The following CDC73 variants were observed in gnomAD, a reference collection of about 807,000 sequenced individuals.
The protein encoded by CDC73 is cell division cycle 73.
A neutral mutation model predicts 83.7 loss-of-function variants in CDC73; 21 were observed. The observed-to-expected ratio is 0.25, with a 90% CI of 0.18 to 0.36. The LOEUF (loss-of-function observed/expected upper bound fraction) is 0.36. CDC73 is among the 10% of genes least tolerant of loss of function. The probability of loss-of-function intolerance (pLI) is 1.00; values close to 1 mark genes in which losing one functional copy is unlikely to be tolerated. For missense variants in CDC73, 342 were observed against 653.3 expected, an observed-to-expected ratio of 0.52 and a Z score of 5.19; for synonymous variants, 224 against 212.9, an observed-to-expected ratio of 1.05 and a Z score of -0.45.
intron 5 of CDC73, among the ~76,000 whole-genome samples, chr1:193,137,275 A>G (rs761294141): frequency 6.6e-6 from 1 of 152,244 alleles, no homozygotes; most frequent in Non-Finnish European, 1.5e-5. Context: ...ATTCATTTTA[A>G]GATTTTTACA....
intron 15 of CDC73, among the ~76,000 whole-genome samples, chr1:193,244,809 T>C (rs140554749): frequency 1.6e-4 from 24 of 152,294 alleles, no homozygotes; most frequent in African/African-American, 5.8e-4. Flanking sequence ...TATGTCCTTA[T>C]TCTGCCTTAT....
At chr1:193,203,703 G>A in intron 10 of CDC73, 92 bp from the exon 11 acceptor site, 1 of 1,024,954 alleles carries the variant, frequency 9.8e-7, no homozygotes, top group Non-Finnish European at 1.5e-6. Flanking sequence ...CAGAACAAGA[G>A]ACAGAGAGAT....
intron 10 of CDC73, among the ~76,000 whole-genome samples, chr1:193,162,836 T>C (rs915566506): frequency 1.3e-5 from 2 of 152,220 alleles, no homozygotes; most frequent in African/African-American, 2.4e-5. Flanking sequence ...TTCTGTCTTA[T>C]GTGTGGTGCC....
chr1:193,198,415 T>TGCCCTTC (rs1466647868), intron 10 of CDC73, among the ~76,000 whole-genome samples: 2 of 152,222 alleles, frequency 1.3e-5, no homozygotes, highest in African/African-American at 4.8e-5. Context: ...AATTCTTTTT[T>TGCCCTTC]GCCCTTCCAC....
intron 13 of CDC73, among the ~76,000 whole-genome samples, chr1:193,230,644 G>T (rs966135260): frequency 6.6e-6 from 1 of 152,174 alleles, no homozygotes; most frequent in East Asian, 1.9e-4. Context: ...GAGGGATGAT[G>T]ACTGTGATTT....
Position 193,137,973 on chromosome 1 carries a change from T to C in CDC73, c.424-112T>C, listed in dbSNP as rs977556081. 3.4e-5 allele frequency: 27 copies of C among 787,772 alleles called. No individual in the cohort carries two copies. The East Asian group carries it at 5.3e-4, about 15-fold the overall frequency. The allele number at this position is 787,772 out of a possible 1,614,324, so 48.8% of individuals were successfully genotyped here. A position where few individuals can be genotyped will look rare whatever the true frequency, so the allele number is the denominator to read the frequency against. ...CTTGAAGTTGGCCTAAAGACACTGATACCTAGAATTGTAGAGGTAGGAAAT... is the reference window on the plus strand; with the variant it reads ...CTTGAAGTTGGCCTAAAGACACTGACACCTAGAATTGTAGAGGTAGGAAAT... On this transcript the variant is annotated intron_variant, in intron 5 of 16. Coordinates refer to ENST00000367435, the MANE Select transcript of CDC73 (RefSeq NM_024529.5).
chr1:193,230,457 A>ATTT (rs752027731), intron 13 of CDC73, among the ~76,000 whole-genome samples: 13 of 90,718 alleles, frequency 1.4e-4, no homozygotes, highest in South Asian at 1.3e-3. Context: ...CTAATCCCGT[A>ATTT]TTTTTTTTTT....
At chr1:193,246,398 G>A (rs773231908) in intron 15 of CDC73, among the ~76,000 whole-genome samples, 26 of 151,966 alleles carry the variant, frequency 1.7e-4, no homozygotes, top group Non-Finnish European at 2.6e-4. Flanking sequence ...AATTGTTCTT[G>A]TTTGCAGATG....
At chr1:193,207,199 G>A (rs957485324) in intron 11 of CDC73, among the ~76,000 whole-genome samples, 7 of 152,078 alleles carry the variant, frequency 4.6e-5, no homozygotes, top group African/African-American at 1.7e-4. Context: ...AAAGGGAGGG[G>A]TTTTTATTAG....
intron 9 of CDC73, among the ~76,000 whole-genome samples, chr1:193,150,805 T>C (rs985240170): frequency 6.6e-6 from 1 of 152,224 alleles, no homozygotes; most frequent in Admixed American, 6.5e-5. Flanking sequence ...TAAAATGTTA[T>C]TATAGTGCCT....
chr1:193,157,636 G>C lies in CDC73; in HGVS notation c.972+5192G>C, dbSNP rs529007924. Among the ~76,000 whole-genome samples, 12 of 152,228 alleles carry C rather than the reference G, an allele frequency of 7.9e-5. No homozygotes were observed. In the East Asian group the frequency reaches 1.5e-3, roughly 20 times the overall value. Reference sequence around the variant, plus strand: ...AGAGGTTTTCTCTAGATTGCCACAGGCCTCATTACTCTGTTATCTTTTATT... The same window carrying C: ...AGAGGTTTTCTCTAGATTGCCACAGCCCTCATTACTCTGTTATCTTTTATT... On this transcript the variant is annotated intron_variant, in intron 10 of 16. Transcript: ENST00000367435.
chr1:193,138,911 A>AT (rs1675851293), intron 6 of CDC73, among the ~76,000 whole-genome samples: 1 of 150,856 alleles, frequency 6.6e-6, no homozygotes, highest in African/African-American at 2.4e-5. Context: ...AGTAGCTGGG[A>AT]TTACAGGCGC....
intron 10 of CDC73, among the ~76,000 whole-genome samples, chr1:193,167,864 T>C (rs1463271088): frequency 1.3e-5 from 2 of 152,098 alleles, no homozygotes; most frequent in Non-Finnish European, 2.9e-5. Flanking sequence ...TCTTGTGTTT[T>C]TTTGTTGTTT....
In CDC73 at chr1:193,198,231, A is replaced by G. The variant is rs556590037; in HGVS notation, c.973-5564A>G. Among the ~76,000 whole-genome samples, 42 of 152,322 alleles carry G rather than the reference A, an allele frequency of 2.8e-4. No individual in the cohort carries two copies. In the South Asian group the frequency reaches 6.8e-3, roughly 25 times the overall value. On this transcript the variant is annotated intron_variant, in intron 10 of 16. Coordinates refer to ENST00000367435, the MANE Select transcript of CDC73 (RefSeq NM_024529.5). ...AGCAGACAAATAATTAGGGAATTAT[A>G]TAGTATAATGAGGTGTTATGGTCTG...
At chr1:193,222,303 G>A (rs1389738722) in intron 13 of CDC73, among the ~76,000 whole-genome samples, 3 of 152,208 alleles carry the variant, frequency 2.0e-5, no homozygotes, top group African/African-American at 7.2e-5. Flanking sequence ...CCTTACATCC[G>A]CCAAATACTA....
At chr1:193,237,714 G>A (rs1021431674) in intron 15 of CDC73, among the ~76,000 whole-genome samples, 1 of 152,188 alleles carries the variant, frequency 6.6e-6, no homozygotes. Context: ...AAAGATGCTG[G>A]CATGTCAGGG....
intron 13 of CDC73, among the ~76,000 whole-genome samples, chr1:193,221,201 T>G (rs1677463924): frequency 6.6e-6 from 1 of 152,158 alleles, no homozygotes; most frequent in Non-Finnish European, 1.5e-5. Flanking sequence ...GATTGGAGGA[T>G]GGGGGACTTG....
At chr1:193,177,478 C>G (rs1372114505) in intron 10 of CDC73, among the ~76,000 whole-genome samples, 1 of 147,818 alleles carries the variant, frequency 6.8e-6, no homozygotes, top group East Asian at 2.0e-4. Context: ...TGCAGTGAGC[C>G]GAGATCGGGC....
chr1:193,202,754 TTC>T (rs1003692859), intron 10 of CDC73, among the ~76,000 whole-genome samples: 2 of 151,972 alleles, frequency 1.3e-5, no homozygotes, highest in African/African-American at 4.8e-5. Flanking sequence ...AAAGTCTTTT[TTC>T]TCCTGTACTC....
Sources: gnomAD v4.1 joint callset for allele counts (sites outside exome capture counted in the v4.1 genomes callset) on GRCh38, gnomAD v4.1.1 for gene constraint, MANE v1.5 for transcripts, NCBI Gene and HGNC (gene_info 2026-07-23, HGNC 2026-07-21) for gene names.